Variants in TTC12 observed in about 807,000 individuals in gnomAD.
TTC12 encodes the protein tetratricopeptide repeat domain 12, also known as tetratricopeptide repeat protein 12.
In TTC12, 70 loss-of-function variants were observed where a neutral mutation model predicts 90.1. That is an observed-to-expected ratio of 0.78 (90% confidence interval 0.64 to 0.95). The LOEUF is 0.95. Among genes scored for constraint, TTC12 ranks in the 40% least tolerant of loss-of-function variants. TTC12 has a pLI of 0.00. For synonymous variants in TTC12, 296 were observed against 311.5 expected (o/e 0.95, Z 0.53); for missense variants, 819 against 846.1 (o/e 0.97, Z 0.40).
At chr11:113,327,860 T>C (rs1947789091) in intron 6 of TTC12, among the ~76,000 whole-genome samples, 1 of 152,194 alleles carries the variant, frequency 6.6e-6, no homozygotes, top group Admixed American at 6.5e-5. Flanking sequence ...AGAGTCGTCT[T>C]CTCTAATTAG....
At chr11:113,368,192 C>T, downstream of TTC12, 2 of 1,465,544 alleles carry the variant, frequency 1.4e-6, no homozygotes, top group South Asian at 1.2e-5. Context: ...TCCAGAGTGC[C>T]TGCCGAGAGC....
downstream of TTC12, chr11:113,368,638 T>A: frequency 2.5e-6 from 2 of 806,646 alleles, no homozygotes; most frequent in Admixed American, 2.1e-5. Context: ...GTGGTTCCAG[T>A]GCGCCGCAAG....
intron 5 of TTC12, 150 bp downstream of exon 5, chr11:113,324,832 A>G (rs1191375345): frequency 1.2e-5 from 8 of 655,246 alleles, no homozygotes; most frequent in Non-Finnish European, 1.9e-5. Flanking sequence ...CCAGAAGGAA[A>G]TCATTGATGG....
chr11:113,356,987 A>T (rs1949670182), intron 16 of TTC12, among the ~76,000 whole-genome samples: 1 of 152,076 alleles, frequency 6.6e-6, no homozygotes. Context: ...TAGGTTGGGG[A>T]AGTTCTCATG....
chr11:113,360,628 C>A (rs541435115), intron 18 of TTC12, among the ~76,000 whole-genome samples: 1 of 152,150 alleles, frequency 6.6e-6, no homozygotes, highest in African/African-American at 2.4e-5. Flanking sequence ...CACCCTAGAA[C>A]GTATTCTTCA....
At chr11:113,349,988 T>G in intron 13 of TTC12, 85 bp from the exon 14 acceptor site, 9 of 1,100,904 alleles carry the variant, frequency 8.2e-6, no homozygotes, top group Non-Finnish European at 1.2e-5. Context: ...GCTGACTCCT[T>G]TTTTGGTTTC....
chr11:113,341,821 C>T lies in TTC12; in HGVS notation c.897-16C>T, dbSNP rs1412338584. 1 of 1,597,900 alleles carries T rather than the reference C, an allele frequency of 6.3e-7. No individual in the cohort carries two copies. The highest frequency in any genetic ancestry group is 1.7e-5 in the Admixed American group (1 of 59,984). ...ATTTTCAGACTTTTAAGATAGCTCT[C>T]CTTTGTCCATTCTAGGTGTTTTTCC... On this transcript the variant is annotated splice_polypyrimidine_tract_variant and intron_variant, in intron 11 of 21. Coordinates refer to ENST00000529221, the MANE Select transcript of TTC12 (RefSeq NM_017868.4).
Position 113,330,576 on chromosome 11 carries a change from G to A in TTC12, c.504+597G>A, listed in dbSNP as rs1054394451. ...AGAGTTACTAAAAGAGAAATAATAC[G>A]ATCACTTTTTAGGGACATGACCAAA... On this transcript the variant is annotated intron_variant, in intron 7 of 21. Transcript: ENST00000529221. 3.9e-5 allele frequency among the ~76,000 whole-genome samples: 6 copies of A among 152,072 alleles called. 1 individual carries two copies. Among genetic ancestry groups the A allele is most frequent in the South Asian group, 4.1e-4 (2 of 4,830 alleles).
At chr11:113,357,748 T>A (rs1555153000) in intron 16 of TTC12, among the ~76,000 whole-genome samples, 1 of 152,230 alleles carries the variant, frequency 6.6e-6, no homozygotes, top group African/African-American at 2.4e-5. Context: ...TCTGAGGGAC[T>A]TGTATTGGGC....
intron 13 of TTC12, among the ~76,000 whole-genome samples, 160 bp from the exon 14 acceptor site, chr11:113,349,913 G>A (rs1385488418): frequency 6.6e-6 from 1 of 152,164 alleles, no homozygotes; most frequent in African/African-American, 2.4e-5. Flanking sequence ...GTCTCTGGGT[G>A]GGCAAGGAGC....
intron 18 of TTC12, among the ~76,000 whole-genome samples, chr11:113,360,969 G>A (rs4370966): frequency 0.32 from 48,440 of 152,072 alleles, 10,071 homozygotes; most frequent in Non-Finnish European, 0.47. Flanking sequence ...CACCGTTTCC[G>A]GATGGTCCAG....
rs782102338 is a variant in TTC12, at chr11:113,325,581, T to C, written c.380T>C (p.Leu127Pro). Residue 127 changes from leucine (L) to proline (P), a missense_variant, in exon 6 of 22, where the codon CTG (leucine) becomes CCG (proline). Transcript: ENST00000529221. ...FAEGNYETAILRYSEGLEKLK... is the reference protein window; with the variant it reads ...FAEGNYETAIPRYSEGLEKLK... ...GAAGGCAATTATGAAACAGCTATCC[T>C]GCGCTACAGTGAGGGTTTGGAGAAG... The C allele has an allele frequency of 1.1e-5, 18 of 1,613,872 alleles. No individual in the cohort carries two copies. The East Asian group carries it at 3.1e-4, about 28-fold the overall frequency.
chr11:113,349,163 A>C (rs1555149190), intron 13 of TTC12, among the ~76,000 whole-genome samples: 3 of 152,324 alleles, frequency 2.0e-5, no homozygotes, highest in South Asian at 4.1e-4. Context: ...ACTACACTTC[A>C]AGAGACACTG....
At chr11:113,325,344 A>G (rs782626956) in intron 5 of TTC12, among the ~76,000 whole-genome samples, 180 bp from the exon 6 acceptor site, 8 of 151,898 alleles carry the variant, frequency 5.3e-5, no homozygotes, top group South Asian at 2.1e-4. Context: ...GATTTGGAGG[A>G]AAAAAAATAC....
chr11:113,364,755 C>G lies in TTC12; in HGVS notation c.1817-80C>G, dbSNP rs147735519. On this transcript the variant is annotated intron_variant, in intron 20 of 21. Coordinates refer to ENST00000529221, the MANE Select transcript of TTC12 (RefSeq NM_017868.4). ...AAGCTCGGTGTCCGCTGACATCTCC[C>G]TGCACCCCTCATGTCCTGTTGCCAG... 1.1e-3 allele frequency: 1,256 copies of G among 1,167,504 alleles called. 13 individuals are homozygous for G. In the African/African-American group the frequency reaches 0.016, roughly 15 times the overall value. The allele number at this position is 1,167,504 out of a possible 1,614,324, so 72.3% of individuals were successfully genotyped here. A position where few individuals can be genotyped will look rare whatever the true frequency, so the allele number is the denominator to read the frequency against.
intron 18 of TTC12, among the ~76,000 whole-genome samples, chr11:113,360,784 A>G (rs977830580): frequency 6.6e-6 from 1 of 152,210 alleles, no homozygotes; most frequent in African/African-American, 2.4e-5. Flanking sequence ...AGTTTAAAAA[A>G]TGTTCTGAGT....
intron 6 of TTC12, among the ~76,000 whole-genome samples, chr11:113,327,685 A>T (rs1480382626): frequency 6.6e-6 from 1 of 152,218 alleles, no homozygotes; most frequent in Non-Finnish European, 1.5e-5. Flanking sequence ...GTTGGAACCC[A>T]TAAAGACTTC....
At chr11:113,344,657 C>T (rs1164055084) in intron 13 of TTC12, among the ~76,000 whole-genome samples, 1 of 152,224 alleles carries the variant, frequency 6.6e-6, no homozygotes, top group Non-Finnish European at 1.5e-5. Context: ...GCAACTGGCT[C>T]GTCCCCATCC....
In TTC12 at chr11:113,341,919, A is replaced by G. The variant is rs2137999371; in HGVS notation, c.979A>G (p.Arg327Gly). ...VLKLWQAVCSRNEENQRVLVI... is the reference protein window; with the variant it reads ...VLKLWQAVCSGNEENQRVLVI... ...CAAGCTCTGGCAAGCAGTGTGCAGC[A>G]GGAACGGTAAGCCTGGGTAATCACC... Residue 327 changes from arginine to glycine, a missense_variant, in exon 12 of 22, where the codon AGG (arginine) becomes GGG (glycine). Physicochemically the swap from Arg to Gly is moderately radical, Grantham distance 125. Coordinates refer to ENST00000529221, the MANE Select transcript of TTC12 (RefSeq NM_017868.4). The G allele has an allele frequency of 6.2e-7, 1 of 1,613,832 alleles. No homozygotes were observed. Among genetic ancestry groups the G allele is most frequent in the Non-Finnish European group, 8.5e-7 (1 of 1,179,698 alleles).
Sources: allele counts gnomAD v4.1 joint callset (sites outside exome capture counted in the v4.1 genomes callset), GRCh38; gene constraint gnomAD v4.1.1; transcripts MANE v1.5; gene names NCBI Gene and HGNC (gene_info 2026-07-23, HGNC 2026-07-21).